The following ADGRG4 variants were observed in gnomAD, a reference collection of about 807,000 sequenced individuals.
The protein encoded by ADGRG4 is adhesion G protein-coupled receptor G4.
Under a neutral mutation model 126.2 loss-of-function variants are expected in ADGRG4, and 122 were observed. The ratio of observed to expected loss-of-function variants is 0.97; its 90% confidence interval spans 0.83 to 1.12. ADGRG4 has a LOEUF of 1.12. ADGRG4 is among the 50% of genes most tolerant of loss of function. ADGRG4 has a pLI of 0.00. For synonymous variants in ADGRG4, 943 were observed against 838.7 expected, an observed-to-expected ratio of 1.12 and a Z score of -2.15; for missense variants, 2,481 against 2,251.8, an observed-to-expected ratio of 1.10 and a Z score of -2.06.
At chrX:136,380,907 A>T (rs1193822586) in intron 15 of ADGRG4, among the ~76,000 whole-genome samples, 2 of 108,272 alleles carry the variant, frequency 1.8e-5, no homozygotes, top group African/African-American at 6.7e-5. Context: ...TTGTAAAGAC[A>T]GGGTCTTTCT....
At chrX:136,414,689 T>C (rs2075467171) in intron 25 of ADGRG4, among the ~76,000 whole-genome samples, 1 of 112,367 alleles carries the variant, frequency 8.9e-6, no homozygotes, top group Non-Finnish European at 1.9e-5. Context: ...CATTTTACAG[T>C]TGAGGAACCT....
intron 1 of ADGRG4, among the ~76,000 whole-genome samples, chrX:136,302,680 C>T (rs369550786): frequency 5.4e-5 from 6 of 111,553 alleles, no homozygotes; most frequent in East Asian, 2.8e-4. Context: ...TGCCTGTACA[C>T]GGTGGGCACT....
At chrX:136,402,853 A>C (rs1168599303) in intron 21 of ADGRG4, among the ~76,000 whole-genome samples, 1 of 111,933 alleles carries the variant, frequency 8.9e-6, no homozygotes, top group Non-Finnish European at 1.9e-5. Context: ...GGTGACCTAG[A>C]CAAAAAGCTA....
chrX:136,374,790 T>A (rs1280468748), intron 15 of ADGRG4, among the ~76,000 whole-genome samples: 1 of 112,055 alleles, frequency 8.9e-6, no homozygotes, highest in Non-Finnish European at 1.9e-5. Flanking sequence ...TGGTAAATGA[T>A]GTGGAGTAAT....
At chrX:136,362,661 A>G (rs2075135487) in intron 12 of ADGRG4, among the ~76,000 whole-genome samples, 1 of 110,952 alleles carries the variant, frequency 9.0e-6, no homozygotes, top group Non-Finnish European at 1.9e-5. Flanking sequence ...GGCTCAATGG[A>G]CGCTTCCTGG....
chrX:136,344,664 A>G lies in ADGRG4; in HGVS notation c.958A>G (p.Thr320Ala), dbSNP rs887002083. Residue 320 changes from threonine (T) to alanine (A), a missense_variant, in exon 6 of 26, where the codon ACT (threonine) becomes GCT (alanine). Coordinates refer to ENST00000394143, the MANE Select transcript of ADGRG4 (RefSeq NM_153834.4). ...TACATTTGCAGTGGATGTTTTATCA[A>G]CTTCATCAGCCATCTCTCTGCCTAC... is the stretch of plus-strand genomic sequence containing the variant. ...TATFAVDVLS[T>A]SSAISLPTQS... is the part of the protein sequence containing the mutation. The G allele has an allele frequency of 2.5e-6, 3 of 1,210,229 alleles. No homozygotes were observed. Among genetic ancestry groups the G allele is most frequent in the Non-Finnish European group, 3.4e-6 (3 of 894,118 alleles).
intron 8 of ADGRG4, among the ~76,000 whole-genome samples, chrX:136,354,187 A>C (rs188657545): frequency 2.1e-4 from 24 of 112,280 alleles, no homozygotes; most frequent in Admixed American, 9.4e-4. Context: ...AATTCATATA[A>C]ATGAATGGAG....
intron 12 of ADGRG4, among the ~76,000 whole-genome samples, 180 bp downstream of exon 12, chrX:136,361,767 C>T (rs938333416): frequency 8.9e-6 from 1 of 111,830 alleles, no homozygotes; most frequent in Non-Finnish European, 1.9e-5. Flanking sequence ...GAAAAATTTT[C>T]AAGGAGACAA....
Position 136,323,259 on chromosome X carries a change from C to T in ADGRG4, c.552C>T (p.Tyr184=). The T allele has an allele frequency of 8.3e-7, 1 of 1,211,515 alleles. No homozygotes were observed. Among genetic ancestry groups the T allele is most frequent in the Non-Finnish European group, 1.1e-6 (1 of 895,431 alleles). The part of the protein sequence containing the change: ...MMRSFPGSLY[Y]FQLWDHILEN... ...GTAGCTTTCCTGGCAGCTTGTACTA[C>T]TTTCAACTCTGGGACCACATCCTGG... Residue 184 remains tyrosine, a synonymous_variant, in exon 5 of 26, where the codon TAC becomes TAT. Transcript: ENST00000394143.
At chrX:136,388,175 G>T (rs1014180204) in intron 16 of ADGRG4, among the ~76,000 whole-genome samples, 77 of 112,336 alleles carry the variant, frequency 6.9e-4, no homozygotes, top group African/African-American at 2.5e-3. Context: ...CTGATGAAAT[G>T]ATGTTTCGGC....
rs1353503777 is a variant in ADGRG4 at position 136,345,809 on chromosome X, T to A, written c.2103T>A (p.Asn701Lys). The A allele has an allele frequency of 8.3e-7, 1 of 1,210,371 alleles. No homozygotes were observed. The highest frequency in any genetic ancestry group is 1.1e-6 in the Non-Finnish European group (1 of 894,595). Residue 701 changes from asparagine to lysine, a missense_variant, in exon 6 of 26, where the codon AAT becomes AAA. Asn to Lys is a moderately conservative substitution (Grantham distance 94, BLOSUM62 0). Transcript: ENST00000394143. ...TYTEYLSATT[N>K]ITPLKASPEG... ...CAGAATATTTATCCGCAACTACCAA[T>A]ATCACCCCACTGAAAGCATCTCCAG... is the stretch of plus-strand genomic sequence containing the variant.
At chrX:136,382,159 A>G (rs2075267204) in intron 15 of ADGRG4, among the ~76,000 whole-genome samples, 1 of 111,436 alleles carries the variant, frequency 9.0e-6, no homozygotes, top group African/African-American at 3.3e-5. Context: ...GATCATACAT[A>G]ATCTTCAAAT....
intron 19 of ADGRG4, among the ~76,000 whole-genome samples, chrX:136,396,340 G>A (rs1270194616): frequency 1.5e-4 from 15 of 97,201 alleles, no homozygotes; most frequent in African/African-American, 4.5e-4. Context: ...GAGGGCTGTG[G>A]GTCTGTTTTA....
intron 15 of ADGRG4, among the ~76,000 whole-genome samples, chrX:136,380,567 C>CTT (rs1361737362): frequency 1.3e-3 from 114 of 88,142 alleles, no homozygotes; most frequent in African/African-American, 4.4e-3. Context: ...TCTTCTTCTT[C>CTT]CTCTTCTTCT....
intron 23 of ADGRG4, 122 bp from the exon 24 acceptor site, chrX:136,412,143 A>G (rs1367774156): frequency 7.2e-5 from 35 of 483,771 alleles, no homozygotes; most frequent in Admixed American, 3.9e-4. Context: ...TCAGAAAGCC[A>G]GTAATGGCCC....
chrX:136,359,763 C>T (rs2075116554), intron 11 of ADGRG4, among the ~76,000 whole-genome samples: 1 of 111,317 alleles, frequency 9.0e-6, no homozygotes, highest in Non-Finnish European at 1.9e-5. Flanking sequence ...TGAAGAGCTT[C>T]CTCATTAACA....
Position 136,363,473 on chromosome X carries a change from T to C in ADGRG4, c.7278-4T>C. ...ATGAGAAAGCTCTTTCCTCTCTTTT[T>C]CAGTTCAATCAGCATCAACACGGGC... On this transcript the variant is annotated splice_region_variant and splice_polypyrimidine_tract_variant and intron_variant, in intron 12 of 25. Coordinates refer to ENST00000394143, the MANE Select transcript of ADGRG4 (RefSeq NM_153834.4). The C allele has an allele frequency of 8.8e-7, 1 of 1,130,901 alleles. No homozygotes were observed. The highest frequency in any genetic ancestry group is 1.2e-6 in the Non-Finnish European group (1 of 821,824). The allele number at this position is 1,130,901 out of a possible 1,213,427, so 93.2% of individuals were successfully genotyped here. A position where few individuals can be genotyped will look rare whatever the true frequency, so the allele number is the denominator to read the frequency against.
chrX:136,414,340 G>A lies in ADGRG4; in HGVS notation c.9205+13G>A, dbSNP rs1344750327. On this transcript the variant is annotated intron_variant, in intron 25 of 25. Transcript: ENST00000394143. ...AGCTTTCCAAATGGTAAGAAAAAAA[G>A]GCTGTGTTGTCTACATTTATATTCC... is the stretch of plus-strand genomic sequence containing the variant. 8.6e-7 allele frequency: 1 copy of A among 1,162,318 alleles called. No homozygotes were observed. Among genetic ancestry groups the A allele is most frequent in the Non-Finnish European group, 1.2e-6 (1 of 860,851 alleles).
At position 136,344,874 on chromosome X, in the gene ADGRG4, G is replaced by GCAATTAAAT; in HGVS notation, c.1170_1178dup (p.Ile391_Ser393dup). 1 of 1,209,993 alleles carries GCAATTAAAT rather than the reference G, an allele frequency of 8.3e-7. No homozygotes were observed. The highest frequency in any genetic ancestry group is 1.1e-6 in the Non-Finnish European group (1 of 893,916). The stretch of plus-strand genomic sequence containing the variant: ...GAATTCAGTTGTATCTACAACTTCA[G>GCAATTAAAT]CAATTAAATCTCAGTCGGCTGTTAC... On this transcript the variant is annotated inframe_insertion, in exon 6 of 26. Transcript: ENST00000394143.
Sources: allele counts gnomAD v4.1 joint callset (sites outside exome capture counted in the v4.1 genomes callset), GRCh38; gene constraint gnomAD v4.1.1; transcripts MANE v1.5; gene names NCBI Gene and HGNC (gene_info 2026-07-23, HGNC 2026-07-21).